Variants in FILIP1L observed in about 807,000 individuals in gnomAD.
The protein encoded by FILIP1L is filamin A interacting protein 1 like, also known as filamin A-interacting protein 1-like.
In FILIP1L, 55 loss-of-function variants were observed where a neutral mutation model predicts 96.6. That is an observed-to-expected ratio of 0.57 (90% CI 0.46 to 0.71). The LOEUF (loss-of-function observed/expected upper bound fraction) is 0.71. FILIP1L is among the 30% of genes least tolerant of loss of function. The pLI, the probability that FILIP1L is intolerant of heterozygous loss-of-function variation, is 0.00. For missense variants in FILIP1L, 1,304 were observed against 1,321.2 expected, an observed-to-expected ratio of 0.99 and a Z score of 0.20; for synonymous variants, 467 against 473.9, an observed-to-expected ratio of 0.99 and a Z score of 0.19.
intron 1 of FILIP1L, among the ~76,000 whole-genome samples, chr3:100,066,241 CTG>C (rs2065660932): frequency 6.6e-6 from 1 of 152,194 alleles, no homozygotes; most frequent in Non-Finnish European, 1.5e-5. Flanking sequence ...CTGCAGCTCT[CTG>C]TGGGATTCTT....
At chr3:100,022,788 T>C (rs961678379) in intron 1 of FILIP1L, among the ~76,000 whole-genome samples, 3 of 152,236 alleles carry the variant, frequency 2.0e-5, no homozygotes, top group African/African-American at 2.4e-5. Context: ...TTTGTACTTA[T>C]TTAAAAACAT....
chr3:99,829,858 C>CT lies in FILIP1L; in HGVS notation c.*555dup, dbSNP rs1942616660. 6.6e-6 allele frequency among the ~76,000 whole-genome samples: 1 copy of CT among 152,148 alleles called. No homozygotes were observed. Among genetic ancestry groups the CT allele is most frequent in the African/African-American group, 2.4e-5 (1 of 41,450 alleles). ...AAAGGATATATTCGGCTGTTATTCA[C>CT]TTTTGTTATGCTTTTCCTCCTTTAA... On this transcript the variant is annotated 3_prime_UTR_variant, in exon 6 of 6. Transcript: ENST00000477258.
chr3:99,872,233 C>G (rs1004315566), intron 4 of FILIP1L, among the ~76,000 whole-genome samples: 6 of 147,658 alleles, frequency 4.1e-5, no homozygotes, highest in African/African-American at 1.5e-4. Context: ...ATTGCCCCTT[C>G]CAGCTGTAAA....
At chr3:100,024,891 A>G (rs17392822) in intron 1 of FILIP1L, among the ~76,000 whole-genome samples, 1,784 of 152,280 alleles carry the variant, frequency 0.012, 23 homozygotes, top group African/African-American at 0.026. Flanking sequence ...CTTTCAAGCT[A>G]TCAGGGCACC....
Position 100,114,235 on chromosome 3 carries a change from A to T in FILIP1L, c.-193T>A, listed in dbSNP as rs2066535922. ...GAGTTTGCAACCAGGGGCCAGTGAT[A>T]GCTCTGCAAAGGAGAGGCAGTGGGG... On this transcript the variant is annotated 5_prime_UTR_variant, in exon 1 of 6. Coordinates refer to ENST00000477258, the MANE Select transcript of FILIP1L (RefSeq NM_001387850.1). 6.6e-6 allele frequency: 1 copy of T among 151,460 alleles called. No homozygotes were observed. Among genetic ancestry groups the T allele is most frequent in the African/African-American group, 2.4e-5 (1 of 41,178 alleles). 9.4% of individuals were successfully genotyped at this position (151,460 alleles called of 1,614,324 possible). A position where few individuals can be genotyped will look rare whatever the true frequency, so the allele number is the denominator to read the frequency against.
intron 5 of FILIP1L, among the ~76,000 whole-genome samples, chr3:99,837,322 G>T (rs1942941335): frequency 6.6e-6 from 1 of 152,034 alleles, no homozygotes. Flanking sequence ...ATATAAAACA[G>T]TGGTTTTCTG....
intron 4 of FILIP1L, among the ~76,000 whole-genome samples, chr3:99,861,252 A>T (rs1163373961): frequency 6.6e-6 from 1 of 152,340 alleles, no homozygotes; most frequent in Non-Finnish European, 1.5e-5. Context: ...TGTCAGACTA[A>T]CAGTTTCAGG....
At chr3:99,905,393 C>G (rs142782696) in intron 4 of FILIP1L, among the ~76,000 whole-genome samples, 1 of 152,186 alleles carries the variant, frequency 6.6e-6, no homozygotes, top group Non-Finnish European at 1.5e-5. Context: ...TACCAGTCTT[C>G]TAATTGCTCT....
At chr3:99,835,948 G>C (rs1382465039) in intron 5 of FILIP1L, among the ~76,000 whole-genome samples, 1 of 152,172 alleles carries the variant, frequency 6.6e-6, no homozygotes, top group Non-Finnish European at 1.5e-5. Context: ...AGAAGGCCCA[G>C]TAGTATGTGG....
chr3:99,834,531 C>A (rs1376597444), intron 5 of FILIP1L, among the ~76,000 whole-genome samples: 1 of 152,176 alleles, frequency 6.6e-6, no homozygotes, highest in Admixed American at 6.5e-5. Context: ...TGTGTCAGAC[C>A]AAGCATCAGA....
intron 1 of FILIP1L, among the ~76,000 whole-genome samples, chr3:100,035,243 T>C (rs2065086613): frequency 6.6e-6 from 1 of 152,188 alleles, no homozygotes; most frequent in Admixed American, 6.5e-5. Context: ...TGAATGTCCA[T>C]GCTGTGCGCA....
In FILIP1L at chr3:99,983,418, ATG is replaced by A. The variant is rs1355148888; in HGVS notation, c.-10-52390_-10-52389del. The stretch of plus-strand genomic sequence containing the variant: ...TATATATATATATATATATATATAT[ATG>A]TATGTATGTATGTATATATATGTAT... On this transcript the variant is annotated intron_variant, in intron 1 of 5. Transcript: ENST00000477258. Among the ~76,000 whole-genome samples, 370 of 81,776 alleles carry A rather than the reference ATG, an allele frequency of 4.5e-3. 5 individuals carry two copies. Among genetic ancestry groups the A allele is most frequent in the African/African-American group, 0.015 (278 of 19,026 alleles). The allele number at this position is 81,776 out of a possible 152,430, so 53.6% of individuals were successfully genotyped here. A position where few individuals can be genotyped will look rare whatever the true frequency, so the allele number is the denominator to read the frequency against.
At chr3:99,863,324 C>T (rs1944352541) in intron 4 of FILIP1L, among the ~76,000 whole-genome samples, 1 of 152,174 alleles carries the variant, frequency 6.6e-6, no homozygotes, top group African/African-American at 2.4e-5. Context: ...CGCTGCTCAC[C>T]TCCTGCTATG....
chr3:99,902,625 G>A (rs1706473638), intron 4 of FILIP1L, among the ~76,000 whole-genome samples: 1 of 152,166 alleles, frequency 6.6e-6, no homozygotes, highest in Admixed American at 6.5e-5. Flanking sequence ...ATTGTTACCA[G>A]TAGACACTGG....
chr3:99,845,986 TATC>T (rs1412321253), intron 5 of FILIP1L, among the ~76,000 whole-genome samples: 1 of 152,232 alleles, frequency 6.6e-6, no homozygotes, highest in East Asian at 1.9e-4. Context: ...ATTTGTGCAT[TATC>T]ATAATAGAAC....
At chr3:99,854,635 T>C (rs1943866719) in intron 4 of FILIP1L, among the ~76,000 whole-genome samples, 1 of 151,818 alleles carries the variant, frequency 6.6e-6, no homozygotes, top group Non-Finnish European at 1.5e-5. Flanking sequence ...TTTAGCAGCA[T>C]CCCTTTGTTG....
rs570014334 is a variant in FILIP1L, at chr3:99,882,637, C to T, written c.606-31567G>A. Among the ~76,000 whole-genome samples the T allele has an allele frequency of 9.2e-5, 14 of 152,206 alleles. No homozygotes were observed. The East Asian group carries it at 2.5e-3, about 27-fold the overall frequency. Reference sequence around the variant, plus strand: ...AGCTCAGAGAGGTTAAGGGACTTGCCCCAAGGTCACACAGTAAATTGGTGA... The same window carrying T: ...AGCTCAGAGAGGTTAAGGGACTTGCTCCAAGGTCACACAGTAAATTGGTGA... On this transcript the variant is annotated intron_variant, in intron 4 of 5. Coordinates refer to ENST00000477258, the MANE Select transcript of FILIP1L (RefSeq NM_001387850.1).
At chr3:99,900,740 G>A (rs754922735) in intron 4 of FILIP1L, among the ~76,000 whole-genome samples, 1 of 152,186 alleles carries the variant, frequency 6.6e-6, no homozygotes, top group Non-Finnish European at 1.5e-5. Context: ...TGAGCTGCAC[G>A]TTGGAACTAC....
intron 4 of FILIP1L, among the ~76,000 whole-genome samples, chr3:99,919,992 T>C (rs2452321): frequency 0.29 from 44,216 of 152,056 alleles, 6,773 homozygotes; most frequent in Admixed American, 0.35. Context: ...TTCTTTGTGG[T>C]GTTTGAGAAG....
Sources: gnomAD v4.1 joint callset for allele counts (sites outside exome capture counted in the v4.1 genomes callset) on GRCh38, gnomAD v4.1.1 for gene constraint, MANE v1.5 for transcripts, NCBI Gene and HGNC (gene_info 2026-07-23, HGNC 2026-07-21) for gene names.